Variants in CDK5RAP2 observed in about 807,000 individuals in gnomAD.
CDK5RAP2 encodes the protein CDK5 regulatory subunit associated protein 2.
In CDK5RAP2, 147 loss-of-function variants were observed where a neutral mutation model predicts 232.9. The observed-to-expected ratio is 0.63, with a 90% CI of 0.55 to 0.72. CDK5RAP2 has a LOEUF of 0.72. Among genes scored for constraint, CDK5RAP2 ranks in the 30% least tolerant of loss-of-function variants. The pLI is 0.00. For missense variants in CDK5RAP2, 2,195 were observed against 2,231.5 expected (o/e 0.98, Z 0.33); for synonymous variants, 833 against 833.7 (o/e 1.00, Z 0.01).
At chr9:120,420,987 A>C (rs1276972031) in intron 26 of CDK5RAP2, among the ~76,000 whole-genome samples, 1 of 152,242 alleles carries the variant, frequency 6.6e-6, no homozygotes, top group Non-Finnish European at 1.5e-5. Context: ...AAGAGGTTCC[A>C]TCCCTCACTC....
chr9:120,555,324 G>C (rs891154321), intron 3 of CDK5RAP2, among the ~76,000 whole-genome samples: 1 of 151,552 alleles, frequency 6.6e-6, no homozygotes, highest in African/African-American at 2.4e-5. Context: ...TTTAAATAGA[G>C]ACGAGGTTTC....
chr9:120,526,455 C>G (rs1339980779), intron 10 of CDK5RAP2, among the ~76,000 whole-genome samples: 1 of 152,102 alleles, frequency 6.6e-6, no homozygotes, highest in African/African-American at 2.4e-5. Flanking sequence ...TACATCTAAT[C>G]CTCAAATTTT....
At chr9:120,523,167 T>A (rs1038610914) in intron 11 of CDK5RAP2, among the ~76,000 whole-genome samples, 1 of 152,190 alleles carries the variant, frequency 6.6e-6, no homozygotes, top group Admixed American at 6.5e-5. Context: ...ACACTGTACA[T>A]TGTAAGACCT....
At chr9:120,427,599 G>A (rs900700650) in intron 25 of CDK5RAP2, among the ~76,000 whole-genome samples, 18 of 152,312 alleles carry the variant, frequency 1.2e-4, no homozygotes, top group Admixed American at 6.5e-4. Flanking sequence ...CAAACCGGGG[G>A]TGGGAGGGGG....
chr9:120,486,704 G>A (rs1355204410), intron 14 of CDK5RAP2, among the ~76,000 whole-genome samples: 1 of 152,138 alleles, frequency 6.6e-6, no homozygotes, highest in Non-Finnish European at 1.5e-5. Flanking sequence ...GAGGAAAACG[G>A]GGGACCACAC....
At position 120,394,522 on chromosome 9, in the gene CDK5RAP2, G is replaced by A. The variant is rs1238581358; in HGVS notation, c.5568C>T (p.Ile1856=). 1 of 1,614,062 alleles carries A rather than the reference G, an allele frequency of 6.2e-7. No homozygotes were observed. Among genetic ancestry groups the A allele is most frequent in the Non-Finnish European group, 8.5e-7 (1 of 1,180,046 alleles). The stretch of plus-strand genomic sequence containing the variant: ...CCCACACTCACTCACATTGATCAAA[G>A]ATGACTTTTTCCTGGCGCTTGCTCA... ...LQLSKRQEKV[I]FDQLVVTHKI... Residue 1856 remains isoleucine (I), a synonymous_variant, in exon 36 of 38, where the codon ATC becomes ATT. Transcript: ENST00000349780.
chr9:120,555,089 A>C (rs1446419892), intron 3 of CDK5RAP2, among the ~76,000 whole-genome samples: 1 of 151,088 alleles, frequency 6.6e-6, no homozygotes, highest in Non-Finnish European at 1.5e-5. Flanking sequence ...CTGTCCCTAC[A>C]AAAAATGAGA....
intron 22 of CDK5RAP2, 38 bp downstream of exon 22, chr9:120,447,857 G>T (rs202142765): frequency 1.2e-4 from 175 of 1,436,262 alleles, no homozygotes; most frequent in Middle Eastern, 1.0e-3. Context: ...CGAGCCGTTT[G>T]TCTAGCTCAC....
At chr9:120,502,800 A>T (rs2039634973) in intron 12 of CDK5RAP2, among the ~76,000 whole-genome samples, 1 of 152,202 alleles carries the variant, frequency 6.6e-6, no homozygotes. Flanking sequence ...CAGCATCAAC[A>T]GAACCTTGGG....
chr9:120,400,953 A>G (rs2131259654), intron 34 of CDK5RAP2, 68 bp from the exon 35 acceptor site: 1 of 1,570,024 alleles, frequency 6.4e-7, no homozygotes, highest in Non-Finnish European at 8.7e-7. Flanking sequence ...AAGCCTTAAC[A>G]TGCAGTATAA....
At chr9:120,454,235 C>T (rs1211688938) in intron 20 of CDK5RAP2, among the ~76,000 whole-genome samples, 1 of 152,160 alleles carries the variant, frequency 6.6e-6, no homozygotes, top group African/African-American at 2.4e-5. Context: ...CTGACTCTAC[C>T]CCGCCAGCCA....
intron 12 of CDK5RAP2, among the ~76,000 whole-genome samples, chr9:120,516,174 T>C (rs2040328470): frequency 6.6e-6 from 1 of 152,104 alleles, no homozygotes; most frequent in Non-Finnish European, 1.5e-5. Context: ...CACCATGGAA[T>C]ACTATGCAGC....
At chr9:120,464,503 A>T (rs775743739) in intron 18 of CDK5RAP2, among the ~76,000 whole-genome samples, 2 of 152,174 alleles carry the variant, frequency 1.3e-5, no homozygotes, top group Non-Finnish European at 2.9e-5. Flanking sequence ...ACCTAGAAAC[A>T]AGTCGTTTTC....
intron 6 of CDK5RAP2, 49 bp downstream of exon 6, chr9:120,538,992 T>C (rs980334877): frequency 1.2e-6 from 2 of 1,600,704 alleles, no homozygotes; most frequent in Non-Finnish European, 1.7e-6. Context: ...GCCAGCCTAT[T>C]ATTAACCCAC....
Position 120,471,753 on chromosome 9 carries a change from C to A in CDK5RAP2, c.1853G>T (p.Arg618Leu). ...LEEQISEIRRREEESFSLYSD... is the reference protein window; with the variant it reads ...LEEQISEIRRLEEESFSLYSD... ...ACATAGAATAAAGTGTGTACCTTCC[C>A]GCCTCCGAATTTCGCTGATCTGCTC... Residue 618 changes from arginine (R) to leucine (L), a missense_variant, in exon 16 of 38, where the codon CGG becomes CTG. Arg to Leu is a moderately radical substitution (Grantham distance 102). Transcript: ENST00000349780. 1 of 1,614,112 alleles carries A rather than the reference C, an allele frequency of 6.2e-7. No individual in the cohort carries two copies. Among genetic ancestry groups the A allele is most frequent in the Non-Finnish European group, 8.5e-7 (1 of 1,179,976 alleles).
rs1254199163 is a variant in CDK5RAP2, at chr9:120,389,209, A to G, written c.*27T>C. 6.2e-7 allele frequency: 1 copy of G among 1,602,166 alleles called. No individual in the cohort carries two copies. The highest frequency in any genetic ancestry group is 1.7e-5 in the Admixed American group (1 of 59,460). On this transcript the variant is annotated 3_prime_UTR_variant, in exon 38 of 38. Coordinates refer to ENST00000349780, the MANE Select transcript of CDK5RAP2 (RefSeq NM_018249.6). ...ACAGCGTGAGCTCGGTGGGGGAAGC[A>G]CAAGCTTTATTGGCTGAAAGTTCTT... is the stretch of plus-strand genomic sequence containing the variant.
intron 23 of CDK5RAP2, among the ~76,000 whole-genome samples, chr9:120,441,231 G>A (rs1354115424): frequency 1.3e-5 from 2 of 152,338 alleles, no homozygotes; most frequent in Non-Finnish European, 2.9e-5. Context: ...TACTTAAGGG[G>A]CAGCGGAATG....
At chr9:120,558,709 C>T (rs1024127143) in intron 3 of CDK5RAP2, among the ~76,000 whole-genome samples, 2 of 152,192 alleles carry the variant, frequency 1.3e-5, no homozygotes, top group Non-Finnish European at 2.9e-5. Context: ...GTGGCTCGAT[C>T]TCATCCCTTC....
chr9:120,478,487 C>G (rs538959003), intron 14 of CDK5RAP2, among the ~76,000 whole-genome samples: 18 of 152,106 alleles, frequency 1.2e-4, no homozygotes, highest in Admixed American at 6.5e-4. Flanking sequence ...GTAACAATAC[C>G]CTGGCCAGGC....
Sources: allele counts gnomAD v4.1 joint callset (sites outside exome capture counted in the v4.1 genomes callset), GRCh38; gene constraint gnomAD v4.1.1; transcripts MANE v1.5; gene names NCBI Gene and HGNC (gene_info 2026-07-23, HGNC 2026-07-21).